The following TMEM132C variants were observed in gnomAD, a reference collection of about 807,000 sequenced individuals.
TMEM132C encodes transmembrane protein 132C.
Under a neutral mutation model 61.4 loss-of-function variants are expected in TMEM132C, and 29 were observed. The observed-to-expected ratio is 0.47, with a 90% CI of 0.35 to 0.64. TMEM132C has a LOEUF of 0.64. Among genes scored for constraint, TMEM132C ranks in the 30% least tolerant of loss-of-function variants. The probability of loss-of-function intolerance (pLI) is 0.00; values close to 1 mark genes in which losing one functional copy is unlikely to be tolerated. For missense variants in TMEM132C, 1,408 were observed against 1,476.9 expected, an observed-to-expected ratio of 0.95 and a Z score of 0.76; for synonymous variants, 656 against 633.1, an observed-to-expected ratio of 1.04 and a Z score of -0.54.
chr12:128,378,210 G>A (rs936840371), intron 1 of TMEM132C, among the ~76,000 whole-genome samples: 11 of 151,808 alleles, frequency 7.2e-5, no homozygotes, highest in Non-Finnish European at 1.5e-4. Flanking sequence ...CGCCTCCCCG[G>A]TTCACGCCAT....
chr12:128,623,403 A>C (rs1188445359), intron 4 of TMEM132C, among the ~76,000 whole-genome samples: 1 of 150,570 alleles, frequency 6.6e-6, no homozygotes, highest in Non-Finnish European at 1.5e-5. Context: ...CCTAGAACTT[A>C]AAGTATAAAG....
intron 2 of TMEM132C, among the ~76,000 whole-genome samples, chr12:128,502,136 C>T (rs1872202412): frequency 6.6e-6 from 1 of 152,190 alleles, no homozygotes; most frequent in South Asian, 2.1e-4. Context: ...GTTGGCACTG[C>T]CTGGATGACA....
At chr12:128,616,369 T>A (rs1351693616) in intron 4 of TMEM132C, 34 bp downstream of exon 4, 1 of 1,526,066 alleles carries the variant, frequency 6.6e-7, no homozygotes, top group African/African-American at 1.4e-5. Flanking sequence ...GCTCCTGCAT[T>A]CAGCCACCTG....
intron 1 of TMEM132C, among the ~76,000 whole-genome samples, chr12:128,275,407 G>A (rs917712605): frequency 2.0e-5 from 3 of 152,184 alleles, no homozygotes; most frequent in Non-Finnish European, 4.4e-5. Flanking sequence ...CTCCTTATGA[G>A]AATCTAATGC....
intron 2 of TMEM132C, among the ~76,000 whole-genome samples, chr12:128,470,834 T>A (rs1870926500): frequency 6.6e-6 from 1 of 152,206 alleles, no homozygotes; most frequent in African/African-American, 2.4e-5. Flanking sequence ...TCTTAGACAA[T>A]ACATTCAAAG....
intron 1 of TMEM132C, among the ~76,000 whole-genome samples, chr12:128,352,112 A>T (rs1033960302): frequency 6.6e-6 from 1 of 152,162 alleles, no homozygotes; most frequent in South Asian, 2.1e-4. Flanking sequence ...AGGAAGGACA[A>T]TGTGTTTTAC....
rs138291219 is a variant in TMEM132C at position 128,359,567 on chromosome 12, A to G, written c.86-55165A>G. 2.9e-4 allele frequency among the ~76,000 whole-genome samples: 44 copies of G among 152,296 alleles called. 2 individuals carry two copies. Among genetic ancestry groups the G allele is most frequent in the Admixed American group, 1.9e-3 (29 of 15,304 alleles). On this transcript the variant is annotated intron_variant, in intron 1 of 8. Transcript: ENST00000435159. The stretch of plus-strand genomic sequence containing the variant: ...TTCCACTTGTTATTTGGTATTTGCT[A>G]TAGTCACATGAGAAAAAACAGCCAC...
intron 2 of TMEM132C, among the ~76,000 whole-genome samples, chr12:128,525,212 C>T (rs1468687956): frequency 6.6e-6 from 1 of 152,108 alleles, no homozygotes; most frequent in African/African-American, 2.4e-5. Context: ...AAGGCCTTTC[C>T]AAGCACTCTA....
At chr12:128,434,059 C>T (rs138256508) in intron 2 of TMEM132C, among the ~76,000 whole-genome samples, 51 of 152,356 alleles carry the variant, frequency 3.3e-4, no homozygotes, top group African/African-American at 1.0e-3. Flanking sequence ...ACTCCATCCA[C>T]AAGAGCTGGA....
rs2135634984 is a variant in TMEM132C, at chr12:128,674,946, C to A, written c.1449+5386C>A. On this transcript the variant is annotated intron_variant, in intron 5 of 8. Coordinates refer to ENST00000435159, the MANE Select transcript of TMEM132C (RefSeq NM_001136103.3). ...TTATCACAGTTGCCTTATGTTTGGT[C>A]CACTTCCATTATCTGCTTGGCCCGT... Among the ~76,000 whole-genome samples the A allele has an allele frequency of 2.0e-5, 3 of 151,802 alleles. 1 individual carries two copies. In the Middle Eastern group the frequency reaches 0.01, roughly 516 times the overall value.
chr12:128,583,373 C>T (rs1200810222), intron 3 of TMEM132C, among the ~76,000 whole-genome samples: 1 of 149,006 alleles, frequency 6.7e-6, no homozygotes, highest in Admixed American at 6.7e-5. Context: ...TCTAAGTCTC[C>T]CTTATGCAGA....
At chr12:128,447,705 CTTTTTTTTT>C (rs767506039) in intron 2 of TMEM132C, among the ~76,000 whole-genome samples, 1 of 58,618 alleles carries the variant, frequency 1.7e-5, no homozygotes, top group Non-Finnish European at 3.0e-5. Context: ...ATTTCAAGTG[CTTTTTTTTT>C]TTTTTTTTTT....
At chr12:128,552,850 G>C (rs568259448) in intron 3 of TMEM132C, among the ~76,000 whole-genome samples, 2 of 152,292 alleles carry the variant, frequency 1.3e-5, no homozygotes, top group South Asian at 4.1e-4. Context: ...GGAGGTTGCA[G>C]TGAGCCAAGA....
At chr12:128,339,481 G>A (rs1872889808) in intron 1 of TMEM132C, among the ~76,000 whole-genome samples, 1 of 152,008 alleles carries the variant, frequency 6.6e-6, no homozygotes, top group South Asian at 2.1e-4. Flanking sequence ...GTTCTGTTCG[G>A]TTCAAGCTGC....
In TMEM132C at chr12:128,412,997, G is replaced by A. The variant is rs529688369; in HGVS notation, c.86-1735G>A. Among the ~76,000 whole-genome samples the A allele has an allele frequency of 2.6e-5, 4 of 152,098 alleles. No homozygotes were observed. In the South Asian group the frequency reaches 8.3e-4, roughly 32 times the overall value. On this transcript the variant is annotated intron_variant, in intron 1 of 8. Transcript: ENST00000435159. ...TATGAATGTTGTGTCAAAATATTTT[G>A]CATTTAAAACCAATGTTGAGGCCAG...
chr12:128,602,160 G>A (rs1169128534), intron 3 of TMEM132C, among the ~76,000 whole-genome samples: 1 of 152,194 alleles, frequency 6.6e-6, no homozygotes, highest in African/African-American at 2.4e-5. Flanking sequence ...AATGAGCCAC[G>A]ATGGCACCAG....
Position 128,697,204 on chromosome 12 carries a change from G to C in TMEM132C, c.1930-20G>C, listed in dbSNP as rs568875201. The C allele has an allele frequency of 1.3e-6, 2 of 1,485,358 alleles. No homozygotes were observed. The highest frequency in any genetic ancestry group is 4.4e-5 in the Admixed American group (2 of 45,008). 92.0% of individuals were successfully genotyped at this position (1,485,358 alleles called of 1,614,324 possible). A position where few individuals can be genotyped will look rare whatever the true frequency, so the allele number is the denominator to read the frequency against. On this transcript the variant is annotated intron_variant, in intron 7 of 8. Transcript: ENST00000435159. ...GAAACAGGTGTGATGGATTTTCCTT[G>C]TGTCCTGCCAATCCCACAGGTGTTG... is the stretch of plus-strand genomic sequence containing the variant.
chr12:128,695,719 G>A (rs939057359), intron 6 of TMEM132C, 111 bp from the exon 7 acceptor site: 51 of 1,237,026 alleles, frequency 4.1e-5, no homozygotes, highest in African/African-American at 2.7e-4. Flanking sequence ...TGGTCCTGGC[G>A]CTCGTGTCTT....
At chr12:128,524,108 A>G (rs1239715002) in intron 2 of TMEM132C, among the ~76,000 whole-genome samples, 2 of 151,828 alleles carry the variant, frequency 1.3e-5, no homozygotes, top group African/African-American at 2.4e-5. Context: ...AGTCATTCCC[A>G]TTTCTCTGTA....
Sources: gnomAD v4.1 joint callset for allele counts (sites outside exome capture counted in the v4.1 genomes callset) on GRCh38, gnomAD v4.1.1 for gene constraint, MANE v1.5 for transcripts, NCBI Gene and HGNC (gene_info 2026-07-23, HGNC 2026-07-21) for gene names.